The following ANGPT1 variants were observed in gnomAD, a reference collection of about 807,000 sequenced individuals.
The protein encoded by ANGPT1 is angiopoietin 1.
ANGPT1 carries 17 observed loss-of-function variants against 62.2 expected under a neutral mutation model. The ratio of observed to expected loss-of-function variants is 0.27; its 90% CI spans 0.19 to 0.41. ANGPT1 has a LOEUF of 0.41. Ranked by LOEUF, ANGPT1 falls within the 10% of genes least tolerant of loss-of-function variation. The probability of loss-of-function intolerance (pLI) is 1.00; values close to 1 mark genes in which losing one functional copy is unlikely to be tolerated. For synonymous variants in ANGPT1, 199 were observed against 198.9 expected (o/e 1.00, Z 0.00); for missense variants, 478 against 594.9 (o/e 0.80, Z 2.04).
At chr8:107,299,528 CAT>C (rs1385952866) in intron 5 of ANGPT1, among the ~76,000 whole-genome samples, 1 of 136,198 alleles carries the variant, frequency 7.3e-6, no homozygotes, top group Non-Finnish European at 1.5e-5. Flanking sequence ...ATACACTAAG[CAT>C]ATATATAGAT....
At chr8:107,366,205 T>A (rs1816270524) in intron 1 of ANGPT1, among the ~76,000 whole-genome samples, 2 of 152,198 alleles carry the variant, frequency 1.3e-5, no homozygotes, top group Admixed American at 1.3e-4. Flanking sequence ...AAACCAACCA[T>A]CAGAGATGAG....
At chr8:107,379,550 TA>T (rs33922668) in intron 1 of ANGPT1, among the ~76,000 whole-genome samples, 21 of 148,970 alleles carry the variant, frequency 1.4e-4, no homozygotes, top group African/African-American at 2.2e-4. Context: ...CAGAGGAGGT[TA>T]AAAAAAAAAG....
At chr8:107,413,536 C>T (rs1810647902) in intron 1 of ANGPT1, among the ~76,000 whole-genome samples, 1 of 150,928 alleles carries the variant, frequency 6.6e-6, no homozygotes, top group Non-Finnish European at 1.5e-5. Flanking sequence ...TGAACTATTA[C>T]ATATTAAATA....
At chr8:107,425,373 G>A (rs1274422895) in intron 1 of ANGPT1, among the ~76,000 whole-genome samples, 2 of 152,136 alleles carry the variant, frequency 1.3e-5, no homozygotes, top group Non-Finnish European at 2.9e-5. Flanking sequence ...GGGCAAGACA[G>A]TAGAGAAGGC....
At chr8:107,278,442 T>C (rs772107516) in intron 7 of ANGPT1, among the ~76,000 whole-genome samples, 1 of 152,186 alleles carries the variant, frequency 6.6e-6, no homozygotes, top group Admixed American at 6.5e-5. Flanking sequence ...GGTATATATG[T>C]ACACTCTTTT....
chr8:107,269,478 GA>G (rs1213068545), intron 7 of ANGPT1, among the ~76,000 whole-genome samples: 1 of 151,920 alleles, frequency 6.6e-6, no homozygotes, highest in Non-Finnish European at 1.5e-5. Flanking sequence ...GTTTATCAAA[GA>G]AAAATCAATA....
In ANGPT1 at chr8:107,283,797, C is replaced by T. The variant is rs140430401; in HGVS notation, c.1205+885G>A. Among the ~76,000 whole-genome samples the T allele has an allele frequency of 2.0e-4, 30 of 152,280 alleles. No individual in the cohort carries two copies. The East Asian group carries it at 5.6e-3, about 28-fold the overall frequency. Reference sequence around the variant, plus strand: ...CACACACAATTAAAGACCTGCTAGGCATCAAGAATTGCATTAATGAGTAGC... The same window carrying T: ...CACACACAATTAAAGACCTGCTAGGTATCAAGAATTGCATTAATGAGTAGC... On this transcript the variant is annotated intron_variant, in intron 7 of 8. Transcript: ENST00000517746.
intron 1 of ANGPT1, among the ~76,000 whole-genome samples, chr8:107,370,386 AAG>A (rs1244505089): frequency 4.2e-5 from 2 of 47,290 alleles, no homozygotes; most frequent in African/African-American, 8.6e-5. Flanking sequence ...GAAAGAAAGA[AAG>A]AAAGAAAGAA....
At chr8:107,348,148 T>C (rs908391928) in intron 1 of ANGPT1, among the ~76,000 whole-genome samples, 8 of 152,202 alleles carry the variant, frequency 5.3e-5, no homozygotes, top group Non-Finnish European at 1.0e-4. Flanking sequence ...ACTTGAGCAC[T>C]GAAGTCCTTA....
chr8:107,400,409 C>T (rs1162215968), intron 1 of ANGPT1, among the ~76,000 whole-genome samples: 1 of 152,140 alleles, frequency 6.6e-6, no homozygotes, highest in Admixed American at 6.5e-5. Flanking sequence ...AGGTGATGGA[C>T]ACATGAATGA....
chr8:107,398,897 G>A (rs1816989204), intron 1 of ANGPT1, among the ~76,000 whole-genome samples: 1 of 152,252 alleles, frequency 6.6e-6, no homozygotes, highest in African/African-American at 2.4e-5. Context: ...GGAAAATCAT[G>A]AGAAAGATTC....
At chr8:107,316,524 A>C (rs1815018244) in intron 4 of ANGPT1, among the ~76,000 whole-genome samples, 1 of 152,256 alleles carries the variant, frequency 6.6e-6, no homozygotes, top group African/African-American at 2.4e-5. Context: ...TGCTGATATT[A>C]TAATAACGGT....
intron 3 of ANGPT1, among the ~76,000 whole-genome samples, chr8:107,324,599 A>G (rs567820044): frequency 5.0e-4 from 76 of 152,266 alleles, no homozygotes; most frequent in African/African-American, 1.8e-3. Context: ...ATTGTTTAGA[A>G]GAAGAGGAAG....
At chr8:107,312,656 T>C (rs1814903488) in intron 4 of ANGPT1, among the ~76,000 whole-genome samples, 1 of 152,180 alleles carries the variant, frequency 6.6e-6, no homozygotes, top group Admixed American at 6.5e-5. Flanking sequence ...GCTTCTCCTC[T>C]GAATACAGGG....
intron 1 of ANGPT1, among the ~76,000 whole-genome samples, chr8:107,416,141 C>G (rs926522639): frequency 6.6e-6 from 1 of 152,114 alleles, no homozygotes; most frequent in Non-Finnish European, 1.5e-5. Context: ...CTAGTTCAAA[C>G]CTGACACTGT....
chr8:107,361,155 T>G (rs1816152993), intron 1 of ANGPT1, among the ~76,000 whole-genome samples: 1 of 152,112 alleles, frequency 6.6e-6, no homozygotes, highest in Non-Finnish European at 1.5e-5. Context: ...CATTATTATA[T>G]GCACATAATA....
intron 2 of ANGPT1, chr8:107,336,518 A>C: frequency 2.6e-6 from 1 of 386,600 alleles, no homozygotes; most frequent in Non-Finnish European, 4.0e-6. Flanking sequence ...ACAAAAACTT[A>C]GCCGGGCGTG....
intron 1 of ANGPT1, among the ~76,000 whole-genome samples, chr8:107,377,950 T>C (rs940934770): frequency 5.3e-5 from 8 of 151,998 alleles, no homozygotes; most frequent in Non-Finnish European, 8.8e-5. Context: ...GTTGTCAAAA[T>C]TGACTCCATT....
chr8:107,473,484 G>C (rs1178950927), intron 1 of ANGPT1, among the ~76,000 whole-genome samples: 1 of 151,880 alleles, frequency 6.6e-6, no homozygotes, highest in African/African-American at 2.4e-5. Flanking sequence ...GAGACATCTT[G>C]GTGAGCAAAT....
Sources: gnomAD v4.1 joint callset for allele counts (sites outside exome capture counted in the v4.1 genomes callset) on GRCh38, gnomAD v4.1.1 for gene constraint, MANE v1.5 for transcripts, NCBI Gene and HGNC (gene_info 2026-07-23, HGNC 2026-07-21) for gene names.